The following MYO6 variants were observed in gnomAD, a reference collection of about 807,000 sequenced individuals.
The protein encoded by MYO6 is myosin VI, also known as unconventional myosin-VI.
Under a neutral mutation model 178.7 loss-of-function variants are expected in MYO6, and 74 were observed. The ratio of observed to expected loss-of-function variants is 0.41; its 90% CI spans 0.34 to 0.50. The LOEUF is 0.50. MYO6 is among the 20% of genes least tolerant of loss of function. MYO6 has a pLI of 0.09. For synonymous variants in MYO6, 477 were observed against 504.6 expected, an observed-to-expected ratio of 0.95 and a Z score of 0.73; for missense variants, 1,330 against 1,547.4, an observed-to-expected ratio of 0.86 and a Z score of 2.36.
At chr6:75,832,511 A>G (rs1369538540) in intron 5 of MYO6, among the ~76,000 whole-genome samples, 9 of 152,252 alleles carry the variant, frequency 5.9e-5, no homozygotes, top group Middle Eastern at 6.8e-3. Flanking sequence ...AGTTATGCAT[A>G]GTGACCATTT....
chr6:75,753,773 A>G (rs1235188194), intron 1 of MYO6, among the ~76,000 whole-genome samples: 1 of 152,114 alleles, frequency 6.6e-6, no homozygotes, highest in African/African-American at 2.4e-5. Flanking sequence ...GCATTATATA[A>G]TGTTCAGAGG....
At chr6:75,808,872 G>C (rs1770379365) in intron 1 of MYO6, among the ~76,000 whole-genome samples, 1 of 152,154 alleles carries the variant, frequency 6.6e-6, no homozygotes, top group Admixed American at 6.5e-5. Flanking sequence ...CTCAAGGCAG[G>C]GGGAGGGGAC....
At chr6:75,858,282 T>G (rs922484456) in intron 13 of MYO6, among the ~76,000 whole-genome samples, 1 of 152,188 alleles carries the variant, frequency 6.6e-6, no homozygotes, top group African/African-American at 2.4e-5. Context: ...ATTTTTGTGC[T>G]TAATTTAGAT....
Position 75,822,852 on chromosome 6 carries a change from G to C in MYO6, c.187+1G>C. On this transcript the variant is annotated splice_donor_variant, in intron 3 of 34. Transcript: ENST00000369977. LOFTEE classifies it high-confidence loss of function. ...AGTAAAAAAGATGTGGAAGATAACT[G>C]TAAGTACCAAGTTAAAAATTAACTC... 6.2e-7 allele frequency: 1 copy of C among 1,610,924 alleles called. No individual in the cohort carries two copies. Among genetic ancestry groups the C allele is most frequent in the Non-Finnish European group, 8.5e-7 (1 of 1,177,414 alleles).
intron 30 of MYO6, among the ~76,000 whole-genome samples, chr6:75,906,776 T>TTTA (rs1780362672): frequency 6.6e-6 from 1 of 152,232 alleles, no homozygotes; most frequent in Admixed American, 6.5e-5. Flanking sequence ...TTTATTTCAT[T>TTTA]TTATTGACTG....
intron 11 of MYO6, among the ~76,000 whole-genome samples, chr6:75,851,970 G>A (rs1775308991): frequency 6.6e-6 from 1 of 152,122 alleles, no homozygotes; most frequent in African/African-American, 2.4e-5. Context: ...GACTGCCTAT[G>A]TTTTTAAAAT....
intron 23 of MYO6, among the ~76,000 whole-genome samples, chr6:75,884,050 G>A (rs1398690498): frequency 1.3e-5 from 2 of 152,010 alleles, no homozygotes; most frequent in Non-Finnish European, 1.5e-5. Context: ...AGTTTAATAC[G>A]TTCAGCTTTA....
chr6:75,822,941 T>A (rs542171003), intron 3 of MYO6, 90 bp downstream of exon 3: 1 of 1,009,288 alleles, frequency 9.9e-7, no homozygotes, highest in African/African-American at 1.6e-5. Context: ...ACTGATACAC[T>A]GTGCGGGTTC....
intron 22 of MYO6, among the ~76,000 whole-genome samples, chr6:75,880,365 T>G (rs1158899265): frequency 6.6e-6 from 1 of 152,238 alleles, no homozygotes; most frequent in Non-Finnish European, 1.5e-5. Context: ...TCCCCATTTA[T>G]TTTAGAGCAC....
chr6:75,876,109 A>G (rs1052360760), intron 20 of MYO6, among the ~76,000 whole-genome samples: 1 of 151,990 alleles, frequency 6.6e-6, no homozygotes, highest in African/African-American at 2.4e-5. Flanking sequence ...TGTTCTTGCT[A>G]TACTTTTTCC....
chr6:75,866,870 G>T, intron 17 of MYO6, 62 bp from the exon 18 acceptor site: 1 of 1,540,812 alleles, frequency 6.5e-7, no homozygotes, highest in Non-Finnish European at 9.0e-7. Flanking sequence ...TTTGGACAGA[G>T]CCATGTTAAG....
At chr6:75,882,684 C>G (rs1445800633) in intron 23 of MYO6, among the ~76,000 whole-genome samples, 1 of 149,790 alleles carries the variant, frequency 6.7e-6, no homozygotes, top group Non-Finnish European at 1.5e-5. Context: ...TGACAGAACT[C>G]TTCATAGGCC....
intron 3 of MYO6, among the ~76,000 whole-genome samples, chr6:75,827,821 A>C (rs926482219): frequency 6.6e-6 from 1 of 152,210 alleles, no homozygotes; most frequent in African/African-American, 2.4e-5. Flanking sequence ...TAAGGTTTAC[A>C]ATTTCAGTGA....
At chr6:75,762,594 T>A (rs1404935975) in intron 1 of MYO6, among the ~76,000 whole-genome samples, 1 of 152,222 alleles carries the variant, frequency 6.6e-6, no homozygotes, top group East Asian at 1.9e-4. Flanking sequence ...CGTGCATCTA[T>A]GCCCCACTCT....
intron 1 of MYO6, among the ~76,000 whole-genome samples, chr6:75,769,276 CAA>C (rs1346007115): frequency 6.6e-6 from 1 of 152,224 alleles, no homozygotes; most frequent in Non-Finnish European, 1.5e-5. Flanking sequence ...AAAAGTCCCT[CAA>C]AGTCTTAACT....
chr6:75,900,300 G>A (rs201972031), intron 30 of MYO6, among the ~76,000 whole-genome samples: 1 of 152,124 alleles, frequency 6.6e-6, no homozygotes, highest in Non-Finnish European at 1.5e-5. Flanking sequence ...AGATCCCTGA[G>A]GAATTGCCAC....
At chr6:75,816,684 C>T (rs1771281532) in intron 1 of MYO6, among the ~76,000 whole-genome samples, 2 of 152,202 alleles carry the variant, frequency 1.3e-5, no homozygotes, top group African/African-American at 4.8e-5. Context: ...TCAGTCCATT[C>T]TCAGAGAGTG....
chr6:75,851,800 C>T (rs1342829999), intron 11 of MYO6, among the ~76,000 whole-genome samples: 2 of 152,012 alleles, frequency 1.3e-5, no homozygotes, highest in Non-Finnish European at 1.5e-5. Context: ...ATGATCGCAC[C>T]ACTGCACTCC....
chr6:75,903,089 G>A (rs530816039), intron 30 of MYO6, among the ~76,000 whole-genome samples: 225 of 152,324 alleles, frequency 1.5e-3, no homozygotes, highest in African/African-American at 5.3e-3. Flanking sequence ...TGGTCTGAGA[G>A]ATAGTTTGTT....
Sources: allele counts gnomAD v4.1 joint callset (sites outside exome capture counted in the v4.1 genomes callset), GRCh38; gene constraint gnomAD v4.1.1; transcripts MANE v1.5; gene names NCBI Gene and HGNC (gene_info 2026-07-23, HGNC 2026-07-21).